LAMA3: variants seen among roughly 807,000 people sequenced by gnomAD.
The protein encoded by LAMA3 is laminin subunit alpha 3.
In LAMA3, 281 loss-of-function variants were observed where a neutral mutation model predicts 402.0. That is an observed-to-expected ratio of 0.70 (90% confidence interval 0.63 to 0.77). LAMA3 has a LOEUF of 0.77. LAMA3 is among the 30% of genes least tolerant of loss of function. LAMA3 has a pLI of 0.00. For synonymous variants in LAMA3, 1,431 were observed against 1,558.4 expected, an observed-to-expected ratio of 0.92 and a Z score of 1.93; for missense variants, 3,840 against 4,215.5, an observed-to-expected ratio of 0.91 and a Z score of 2.47.
chr18:23,827,966 G>T (rs972862997), intron 23 of LAMA3, among the ~76,000 whole-genome samples: 3 of 152,148 alleles, frequency 2.0e-5, no homozygotes, highest in African/African-American at 7.2e-5. Flanking sequence ...TTGGAGGACA[G>T]GTTACTACAG....
At chr18:23,901,622 AT>A (rs1294512637) in intron 48 of LAMA3, among the ~76,000 whole-genome samples, 3 of 152,258 alleles carry the variant, frequency 2.0e-5, no homozygotes, top group Admixed American at 6.5e-5. Flanking sequence ...AGAAATTAAT[AT>A]TGCTATAATT....
chr18:23,711,185 C>G (rs2060982773), intron 1 of LAMA3, among the ~76,000 whole-genome samples: 1 of 152,196 alleles, frequency 6.6e-6, no homozygotes, highest in East Asian at 1.9e-4. Flanking sequence ...TCACCTTTAA[C>G]TTATGTATCT....
At chr18:23,773,378 C>A in intron 8 of LAMA3, 119 bp from the exon 9 acceptor site, 1 of 753,412 alleles carries the variant, frequency 1.3e-6, no homozygotes. Flanking sequence ...ATTATTATTT[C>A]AGTGACTTCA....
chr18:23,718,023 T>A (rs1269251787), intron 2 of LAMA3, among the ~76,000 whole-genome samples: 1 of 152,146 alleles, frequency 6.6e-6, no homozygotes, highest in Non-Finnish European at 1.5e-5. Context: ...GAGAACACGA[T>A]GTCTTTCAGG....
At chr18:23,830,852 A>C (rs2063477981) in intron 23 of LAMA3, among the ~76,000 whole-genome samples, 1 of 152,038 alleles carries the variant, frequency 6.6e-6, no homozygotes, top group Admixed American at 6.6e-5. Flanking sequence ...GCCCAGTCAT[A>C]CCTCTGCTTT....
At chr18:23,877,033 C>G (rs542093858) in intron 39 of LAMA3, among the ~76,000 whole-genome samples, 83 of 152,248 alleles carry the variant, frequency 5.5e-4, no homozygotes, top group African/African-American at 1.7e-3. Context: ...ATTCCATCCA[C>G]CCCCACACCA....
rs182945842 is a variant in LAMA3 at position 23,791,089 on chromosome 18, C to T, written c.1603+6932C>T. 2.1e-4 allele frequency among the ~76,000 whole-genome samples: 32 copies of T among 152,122 alleles called. 1 individual carries two copies. In the East Asian group the frequency reaches 6.0e-3, roughly 29 times the overall value. ...GTTTTTAGTAGAGACGGGGTTTCAC[C>T]GTGGTCTCAATCTCCTGACCTCGTG... On this transcript the variant is annotated intron_variant, in intron 12 of 74. Transcript: ENST00000313654.
intron 32 of LAMA3, 108 bp downstream of exon 32, chr18:23,847,776 C>A: frequency 8.9e-7 from 1 of 1,129,832 alleles, no homozygotes. Context: ...CAGGGGTGCC[C>A]TGTGTTGACC....
At chr18:23,913,272 C>G (rs1025117366) in intron 56 of LAMA3, among the ~76,000 whole-genome samples, 3 of 152,176 alleles carry the variant, frequency 2.0e-5, no homozygotes, top group Non-Finnish European at 4.4e-5. Flanking sequence ...GAATTGTGAC[C>G]TTGTCCTCTT....
intron 1 of LAMA3, among the ~76,000 whole-genome samples, chr18:23,694,239 A>C (rs917534877): frequency 1.3e-5 from 2 of 152,226 alleles, no homozygotes; most frequent in African/African-American, 4.8e-5. Context: ...ACGGGTTTAA[A>C]GTGATTATGC....
rs1213041965 is a variant in LAMA3 at position 23,931,042 on chromosome 18, A to G, written c.8437-20A>G. ...CTTATATGCAAATTAGTTGATGGGT[A>G]TTTTCTATGGTGATTTCAGACAAGG... is the stretch of plus-strand genomic sequence containing the variant. On this transcript the variant is annotated intron_variant, in intron 64 of 74. Transcript: ENST00000313654. 6.2e-7 allele frequency: 1 copy of G among 1,608,534 alleles called. No individual in the cohort carries two copies. The highest frequency in any genetic ancestry group is 8.5e-7 in the Non-Finnish European group (1 of 1,174,896).
chr18:23,893,152 T>C (rs987527970), intron 42 of LAMA3, among the ~76,000 whole-genome samples: 5 of 152,200 alleles, frequency 3.3e-5, no homozygotes, highest in African/African-American at 7.2e-5. Context: ...TGTGGAATAT[T>C]ATTGGCTGGT....
chr18:23,709,112 C>A (rs1037536950), intron 1 of LAMA3, among the ~76,000 whole-genome samples: 1 of 151,170 alleles, frequency 6.6e-6, no homozygotes, highest in Non-Finnish European at 1.5e-5. Flanking sequence ...GCTCTGTTGC[C>A]CAGACTGGAG....
Position 23,912,819 on chromosome 18 carries a change from C to T in LAMA3, c.7267C>T (p.Pro2423Ser), listed in dbSNP as rs1479257477. The T allele has an allele frequency of 6.2e-7, 1 of 1,613,974 alleles. No homozygotes were observed. The highest frequency in any genetic ancestry group is 8.5e-7 in the Non-Finnish European group (1 of 1,179,832). ...YTSLSLFLQR[P>S]NSRENGGTEN... is the part of the protein sequence containing the mutation. The stretch of plus-strand genomic sequence containing the variant: ...ATCTCTGTCCTTGTTTCTCCAAAGG[C>T]CCAACTCAAGAGAAAATGGGGGTAC... The change falls in exon 56 of 75, where the codon CCC becomes TCC. Residue 2423 changes from proline (P) to serine (S), a missense_variant. By Grantham distance (74) the Pro-to-Ser change is moderately conservative (BLOSUM62 -1). Transcript: ENST00000313654.
rs2081719779 is a variant in LAMA3 at position 23,918,567 on chromosome 18, TA to T, written c.7923+1876del. 6.6e-6 allele frequency among the ~76,000 whole-genome samples: 1 copy of T among 152,204 alleles called. No individual in the cohort carries two copies. The highest frequency in any genetic ancestry group is 2.4e-5 in the African/African-American group (1 of 41,456). On this transcript the variant is annotated intron_variant, in intron 60 of 74. Coordinates refer to ENST00000313654, the MANE Select transcript of LAMA3 (RefSeq NM_198129.4). This position sits in a 1 kb window ranked among gnomAD's most constrained non-coding sequence, Gnocchi z 4.1. ...GTAGCTGAGATTCCTAGGGACCCTC[TA>T]AAATCTATTAGGTTAGAAAAGTCCA... is the stretch of plus-strand genomic sequence containing the variant.
chr18:23,719,887 C>T (rs1262274189), intron 2 of LAMA3, among the ~76,000 whole-genome samples: 4 of 152,144 alleles, frequency 2.6e-5, no homozygotes, highest in Admixed American at 2.6e-4. Context: ...CGGGTGGACA[C>T]AGCCCAATCC....
At chr18:23,832,917 GT>G (rs923303962) in intron 23 of LAMA3, among the ~76,000 whole-genome samples, 2 of 152,082 alleles carry the variant, frequency 1.3e-5, no homozygotes, top group African/African-American at 4.8e-5. Context: ...TTTACATAGT[GT>G]TTTTTATATG....
chr18:23,839,149 C>T lies in LAMA3; in HGVS notation c.3191+271C>T, dbSNP rs2063644497. On this transcript the variant is annotated intron_variant, in intron 26 of 74. Transcript: ENST00000313654. The surrounding 1 kb of genome is among the most constrained non-coding windows in gnomAD (Gnocchi z 4.5). Reference sequence around the variant, plus strand: ...CAGGAACGCTGAGTTCTATTCTGAGCCCTCGAAAAGACTCGTTTTGTTCCA... The same window carrying T: ...CAGGAACGCTGAGTTCTATTCTGAGTCCTCGAAAAGACTCGTTTTGTTCCA... Among the ~76,000 whole-genome samples, 1 of 152,184 alleles carries T rather than the reference C, an allele frequency of 6.6e-6. No homozygotes were observed. The highest frequency in any genetic ancestry group is 1.9e-4 in the East Asian group (1 of 5,202).
At chr18:23,720,935 T>C (rs571340084) in intron 2 of LAMA3, among the ~76,000 whole-genome samples, 18 of 152,126 alleles carry the variant, frequency 1.2e-4, no homozygotes, top group African/African-American at 4.3e-4. Context: ...GGTGGGAGGA[T>C]TGCTTGAGGC....
Sources: gnomAD v4.1 joint callset for allele counts (sites outside exome capture counted in the v4.1 genomes callset) on GRCh38, gnomAD v4.1.1 for gene constraint, Gnocchi (gnomAD v3.1) non-coding constraint, MANE v1.5 for transcripts, NCBI Gene and HGNC (gene_info 2026-07-23, HGNC 2026-07-21) for gene names.